Variants in EFHD1 observed in about 807,000 individuals in gnomAD.
EFHD1 encodes EF-hand domain-containing protein D1.
A neutral mutation model predicts 17.2 loss-of-function variants in EFHD1; 10 were observed. The ratio of observed to expected loss-of-function variants is 0.58; its 90% CI spans 0.36 to 0.99. The LOEUF (loss-of-function observed/expected upper bound fraction) is 0.99, where lower values mean the gene tolerates loss of function less well. Ranked by LOEUF, EFHD1 falls within the 50% of genes least tolerant of loss-of-function variation. EFHD1 has a pLI of 0.01. For synonymous variants in EFHD1, 153 were observed against 142.0 expected (o/e 1.08, Z -0.55); for missense variants, 310 against 327.5 (o/e 0.95, Z 0.41).
At position 232,609,207 on chromosome 2, in the gene EFHD1, C is replaced by T. The variant is rs144238158; in HGVS notation, c.14+3034C>T. 8.8e-3 allele frequency among the ~76,000 whole-genome samples: 1,326 copies of T among 151,474 alleles called. 20 individuals are homozygous for T. Among genetic ancestry groups the T allele is most frequent in the African/African-American group, 0.029 (1,211 of 41,304 alleles). On this transcript the variant is annotated intron_variant, in intron 1 of 3. Transcript: ENST00000409613. ...CCCGAGTTATTGGGATTACAGGCGCCCACCACCATGCCCGGCTAATTTTTT... is the reference window on the plus strand; with the variant it reads ...CCCGAGTTATTGGGATTACAGGCGCTCACCACCATGCCCGGCTAATTTTTT...
chr2:232,676,618 A>G (rs1446747730), intron 3 of EFHD1, among the ~76,000 whole-genome samples: 2 of 152,174 alleles, frequency 1.3e-5, no homozygotes, highest in African/African-American at 4.8e-5. Context: ...GCCTCATAGC[A>G]AGAAATAAGG....
rs1368494175 is a variant in EFHD1 at position 232,682,640 on chromosome 2, C to T, written c.*921C>T. 2.0e-5 allele frequency: 3 copies of T among 152,174 alleles called. No homozygotes were observed. Among genetic ancestry groups the T allele is most frequent in the African/African-American group, 7.2e-5 (3 of 41,438 alleles). The allele number at this position is 152,174 out of a possible 1,614,324, so 9.4% of individuals were successfully genotyped here. ...TATCCAGCTGTAGATGTTCTTATCC[C>T]CCATACTTGTGAGTTCTTGGGGTTG... On this transcript the variant is annotated 3_prime_UTR_variant, in exon 4 of 4. Coordinates refer to ENST00000264059, the MANE Select transcript of EFHD1 (RefSeq NM_025202.4).
intron 3 of EFHD1, among the ~76,000 whole-genome samples, chr2:232,675,589 T>C (rs1166584535): frequency 6.6e-6 from 1 of 152,182 alleles, no homozygotes; most frequent in Admixed American, 6.5e-5. Context: ...ATGATTCCGA[T>C]GCACAGCCGC....
intron 1 of EFHD1, among the ~76,000 whole-genome samples, chr2:232,649,032 G>T (rs184212478): frequency 4.6e-5 from 7 of 152,298 alleles, no homozygotes; most frequent in Admixed American, 3.9e-4. Flanking sequence ...ACAAAGGCTG[G>T]CCAGCTTCTT....
intron 1 of EFHD1, among the ~76,000 whole-genome samples, chr2:232,652,898 G>A (rs183439358): frequency 6.6e-6 from 1 of 152,258 alleles, no homozygotes; most frequent in African/African-American, 2.4e-5. Context: ...TAGGTTTCTG[G>A]TGTATATATC....
At position 232,626,557 on chromosome 2, in the gene EFHD1, A is replaced by T. The variant is rs542498765; in HGVS notation, c.14+20384A>T. Among the ~76,000 whole-genome samples the T allele has an allele frequency of 2.1e-3, 319 of 152,276 alleles. 1 individual carries two copies. The highest frequency in any genetic ancestry group is 7.3e-3 in the African/African-American group (305 of 41,568). On this transcript the variant is annotated intron_variant, in intron 1 of 3. Coordinates refer to the EFHD1 transcript ENST00000409613. ...AATGATAACTTGCCTAAAATTAATT[A>T]ATTAATTTATTTATTTATAAATTTT...
intron 1 of EFHD1, chr2:232,661,772 C>G (rs1240724968): frequency 6.6e-6 from 1 of 152,006 alleles, no homozygotes; most frequent in African/African-American, 2.4e-5. Flanking sequence ...GTTTGCCAGG[C>G]TGGTCTACGA....
At chr2:232,629,989 G>A (rs548399982), upstream of EFHD1, among the ~76,000 whole-genome samples, 6 of 150,452 alleles carry the variant, frequency 4.0e-5, no homozygotes, top group South Asian at 4.2e-4. Flanking sequence ...GGTCTCTGTC[G>A]CCCAGGCTGG....
At chr2:232,649,308 C>T (rs115312381) in intron 1 of EFHD1, among the ~76,000 whole-genome samples, 1,815 of 152,292 alleles carry the variant, frequency 0.012, 49 homozygotes, top group African/African-American at 0.041. Context: ...GATGGTCAAG[C>T]GGCCCACACA....
At chr2:232,660,883 C>T (rs547908107) in intron 1 of EFHD1, among the ~76,000 whole-genome samples, 1 of 152,186 alleles carries the variant, frequency 6.6e-6, no homozygotes, top group African/African-American at 2.4e-5. Context: ...GAGACTGAGG[C>T]AGGAGAATCG....
intron 1 of EFHD1, among the ~76,000 whole-genome samples, chr2:232,617,815 G>T (rs947350232): frequency 6.6e-6 from 1 of 151,520 alleles, no homozygotes; most frequent in African/African-American, 2.4e-5. Flanking sequence ...CAGGTGTGGT[G>T]GTGGGTGCCT....
chr2:232,626,852 G>A (rs1446979166), intron 1 of EFHD1, among the ~76,000 whole-genome samples: 1 of 151,856 alleles, frequency 6.6e-6, no homozygotes, highest in East Asian at 1.9e-4. Context: ...ACAATTGATA[G>A]TACTTTCCAA....
Position 232,672,160 on chromosome 2 carries a change from A to G in EFHD1, c.451-149A>G, listed in dbSNP as rs116768446. On this transcript the variant is annotated intron_variant, in intron 2 of 3. Coordinates refer to ENST00000264059, the MANE Select transcript of EFHD1 (RefSeq NM_025202.4). ...AATCGGCATGTTTTCATTTTTGACA[A>G]TCTGATGAGGGAAAAAAGTAATTTG... is the stretch of plus-strand genomic sequence containing the variant. 2.7e-3 allele frequency: 2,876 copies of G among 1,064,436 alleles called. 38 individuals carry two copies. In the African/African-American group the frequency reaches 0.032, roughly 12 times the overall value. The allele number at this position is 1,064,436 out of a possible 1,614,324, so 65.9% of individuals were successfully genotyped here. A position where few individuals can be genotyped will look rare whatever the true frequency, so the allele number is the denominator to read the frequency against.
At chr2:232,613,755 T>C (rs1400999599) in intron 1 of EFHD1, among the ~76,000 whole-genome samples, 4 of 142,624 alleles carry the variant, frequency 2.8e-5, no homozygotes, top group Admixed American at 2.8e-4. Context: ...CACACACAAA[T>C]ACGCACACAC....
chr2:232,630,805 GAAAGA>G (rs1319601803), upstream of EFHD1, among the ~76,000 whole-genome samples: 8 of 141,464 alleles, frequency 5.7e-5, no homozygotes, highest in African/African-American at 2.1e-4. Context: ...AAAAAAGAAA[GAAAGA>G]AAAGAAAAAA....
At position 232,633,973 on chromosome 2, in the gene EFHD1, G is replaced by A; in HGVS notation, c.269G>A (p.Arg90His). Residue 90 changes from arginine (R) to histidine (H), a missense_variant, in exon 1 of 4, where the codon CGC becomes CAC. Arg to His is a conservative substitution (Grantham distance 29, BLOSUM62 0). Transcript: ENST00000264059. ...ACGGAGTTCCCGGAGTTCAGCCGCC[G>A]CCTCATCAAGGACCTGGAGAGCATG... ...PYTEFPEFSR[R>H]LIKDLESMFK... 1 of 1,597,398 alleles carries A rather than the reference G, an allele frequency of 6.3e-7. No homozygotes were observed. Among genetic ancestry groups the A allele is most frequent in the Non-Finnish European group, 8.5e-7 (1 of 1,179,102 alleles).
At chr2:232,668,539 C>T (rs951501187) in intron 2 of EFHD1, among the ~76,000 whole-genome samples, 11 of 152,122 alleles carry the variant, frequency 7.2e-5, no homozygotes, top group African/African-American at 1.4e-4. Flanking sequence ...GGCCAAGCCT[C>T]GGGGATGGCG....
intron 3 of EFHD1, 146 bp from the exon 4 acceptor site, chr2:232,681,439 G>A (rs550205879): frequency 4.3e-6 from 5 of 1,158,784 alleles, no homozygotes; most frequent in Non-Finnish European, 6.1e-6. Context: ...CACACGGAAA[G>A]AGTGCTTGCT....
upstream of EFHD1, among the ~76,000 whole-genome samples, chr2:232,630,113 C>G (rs1242439198): frequency 6.6e-6 from 1 of 152,092 alleles, no homozygotes; most frequent in Non-Finnish European, 1.5e-5. Context: ...CCATGTCCAG[C>G]TAATTTTTGT....
Sources: allele counts gnomAD v4.1 joint callset (sites outside exome capture counted in the v4.1 genomes callset), GRCh38; gene constraint gnomAD v4.1.1; transcripts MANE v1.5; gene names NCBI Gene and HGNC (gene_info 2026-07-23, HGNC 2026-07-21).